The following ANKRD17 variants were observed in gnomAD, a reference collection of about 807,000 sequenced individuals.
The protein encoded by ANKRD17 is ankyrin repeat domain 17.
In ANKRD17, 19 loss-of-function variants were observed where a neutral mutation model predicts 229.7. The observed-to-expected ratio is 0.08, with a 90% CI of 0.06 to 0.12. The LOEUF (loss-of-function observed/expected upper bound fraction) is 0.12. ANKRD17 is among the 10% of genes least tolerant of loss of function. The probability of loss-of-function intolerance (pLI) is 1.00; values close to 1 mark genes in which losing one functional copy is unlikely to be tolerated. For synonymous variants in ANKRD17, 1,112 were observed against 1,146.1 expected, an observed-to-expected ratio of 0.97 and a Z score of 0.60; for missense variants, 2,176 against 3,176.8, an observed-to-expected ratio of 0.68 and a Z score of 7.57.
intron 25 of ANKRD17, among the ~76,000 whole-genome samples, chr4:73,100,659 A>G (rs1377238402): frequency 2.0e-5 from 3 of 152,148 alleles, no homozygotes; most frequent in Non-Finnish European, 4.4e-5. Flanking sequence ...TTCACATGAT[A>G]TGTATAGCTT....
chr4:73,139,968 T>G lies in ANKRD17; in HGVS notation c.2648A>C (p.Gln883Pro). The change falls in exon 15 of 34, where the codon CAG becomes CCG. Residue 883 changes from glutamine to proline, a missense_variant. Around this residue, in one of 18 missense-constraint regions of ANKRD17, gnomAD observed 230 missense variants for 252.3 expected, o/e 0.91. Coordinates refer to ENST00000358602, the MANE Select transcript of ANKRD17 (RefSeq NM_032217.5). ...ERELQLKTQQ[Q>P]LKKQYLEVKA... is the part of the protein sequence containing the mutation. ...AACCTCTAGATACTGCTTTTTTAGC[T>G]GCTGCTGAGTTTTCAGTTGTAACTC... 1 of 1,614,192 alleles carries G rather than the reference T, an allele frequency of 6.2e-7. No homozygotes were observed.
In ANKRD17 at chr4:73,077,395, T is replaced by C; in HGVS notation, c.7547A>G (p.Gln2516Arg). Residue 2516 changes from glutamine to arginine, a missense_variant, in exon 32 of 34, where the codon CAG becomes CGG. Around this residue, in one of 18 missense-constraint regions of ANKRD17, gnomAD observed 159 missense variants for 214.3 expected, o/e 0.74. Transcript: ENST00000358602. ...GIVTPSGTFH[Q>R]HVPAGYMDFP... ...GTCCATGTAGCCTGCAGGAACATGC[T>C]GATGGAATGTACCAGAAGGAGTTAC... 1 of 1,613,498 alleles carries C rather than the reference T, an allele frequency of 6.2e-7. No homozygotes were observed. The highest frequency in any genetic ancestry group is 1.1e-5 in the South Asian group (1 of 90,926).
At chr4:73,184,389 T>A (rs949198145) in intron 1 of ANKRD17, among the ~76,000 whole-genome samples, 6 of 150,482 alleles carry the variant, frequency 4.0e-5, no homozygotes, top group Admixed American at 6.6e-5. Context: ...ATTAGCCAGG[T>A]GTTGTGGCAG....
Position 73,155,663 on chromosome 4 carries a change from T to C in ANKRD17, c.968A>G (p.His323Arg). 3.7e-6 allele frequency: 6 copies of C among 1,613,986 alleles called. No homozygotes were observed. The highest frequency in any genetic ancestry group is 5.1e-6 in the Non-Finnish European group (6 of 1,179,858). The change falls in exon 5 of 34, where the codon CAT (histidine) becomes CGT (arginine). Residue 323 changes from histidine (H) to arginine (R), a missense_variant. By Grantham distance (29) the His-to-Arg change is conservative (BLOSUM62 0). Coordinates refer to ENST00000358602, the MANE Select transcript of ANKRD17 (RefSeq NM_032217.5). ...AGACTGTGCATTAACATCTGCTTTA[T>C]GAGCTAGCAGCAACTTCACAATTTT... ...HVKIVKLLLA[H>R]KADVNAQSST...
Position 73,098,089 on chromosome 4 carries a change from C to T in ANKRD17, c.5005G>A (p.Gly1669Ser). 2 of 1,598,828 alleles carry T rather than the reference C, an allele frequency of 1.3e-6. No homozygotes were observed. The highest frequency in any genetic ancestry group is 8.5e-7 in the Non-Finnish European group (1 of 1,169,788). ...GGAACTAACTTTATTGAAGCCTTGC[C>T]AGAAACAGATTTTCTCTCTTCCTTT... ...FPKEERKSVSGKASIKLSETI... is the reference protein window; with the variant it reads ...FPKEERKSVSSKASIKLSETI... The change falls in exon 26 of 34, where the codon GGC (glycine) becomes AGC (serine). Residue 1669 changes from glycine (G) to serine (S), a missense_variant. This residue lies in a region of ANKRD17 where 98 missense variants were observed against 101.0 expected (regional missense o/e 0.97). Coordinates refer to ENST00000358602, the MANE Select transcript of ANKRD17 (RefSeq NM_032217.5).
chr4:73,114,010 C>A, intron 23 of ANKRD17, 102 bp from the exon 24 acceptor site: 2 of 730,520 alleles, frequency 2.7e-6, no homozygotes, highest in Non-Finnish European at 4.6e-6. Flanking sequence ...CAAACCTAAG[C>A]AATAAAGATC....
intron 1 of ANKRD17, among the ~76,000 whole-genome samples, chr4:73,220,681 C>G (rs1050828709): frequency 6.6e-5 from 10 of 151,860 alleles, no homozygotes; most frequent in East Asian, 3.9e-4. Context: ...TTCAAAAGAT[C>G]AAGTTACAAA....
intron 31 of ANKRD17, 48 bp from the exon 32 acceptor site, chr4:73,077,581 C>A (rs1488343833): frequency 1.4e-6 from 2 of 1,450,380 alleles, no homozygotes; most frequent in East Asian, 2.5e-5. Context: ...TATTTAAAAT[C>A]AAAATCAAAT....
intron 1 of ANKRD17, among the ~76,000 whole-genome samples, chr4:73,191,329 CAA>C (rs1269988474): frequency 4.5e-5 from 4 of 88,962 alleles, no homozygotes; most frequent in Admixed American, 1.2e-4. Flanking sequence ...AGGCCCCTAC[CAA>C]AAAATATATA....
At chr4:73,176,032 G>T (rs1464581116) in intron 2 of ANKRD17, among the ~76,000 whole-genome samples, 2 of 151,260 alleles carry the variant, frequency 1.3e-5, no homozygotes, top group Non-Finnish European at 2.9e-5. Flanking sequence ...CCACAGAATG[G>T]GAGAAAATAT....
intron 30 of ANKRD17, among the ~76,000 whole-genome samples, chr4:73,079,623 A>G (rs893989881): frequency 6.6e-6 from 1 of 152,164 alleles, no homozygotes; most frequent in Non-Finnish European, 1.5e-5. Flanking sequence ...CTGATAAAAT[A>G]CCAATAAGAG....
intron 26 of ANKRD17, 59 bp downstream of exon 26, chr4:73,098,014 C>G (rs892304412): frequency 1.4e-6 from 2 of 1,454,458 alleles, no homozygotes; most frequent in Admixed American, 2.3e-5. Context: ...CCAACAAATT[C>G]AGTAATAAGG....
intron 1 of ANKRD17, among the ~76,000 whole-genome samples, chr4:73,244,707 A>G (rs369750676): frequency 6.6e-6 from 1 of 152,092 alleles, no homozygotes; most frequent in East Asian, 1.9e-4. Flanking sequence ...TCCATCCTAT[A>G]CCTTAACTAA....
chr4:73,177,676 G>T, intron 1 of ANKRD17, 143 bp from the exon 2 acceptor site: 1 of 589,932 alleles, frequency 1.7e-6, no homozygotes, highest in Non-Finnish European at 2.9e-6. Flanking sequence ...ACCCTAAAAA[G>T]TTCAACATGA....
At chr4:73,179,933 G>T (rs1324832247) in intron 1 of ANKRD17, among the ~76,000 whole-genome samples, 3 of 151,800 alleles carry the variant, frequency 2.0e-5, no homozygotes, top group Non-Finnish European at 2.9e-5. Flanking sequence ...CAGAAGATGA[G>T]TCTTTCTAAA....
chr4:73,177,422 G>C lies in ANKRD17; in HGVS notation c.505C>G (p.Pro169Ala). 2 of 1,612,458 alleles carry C rather than the reference G, an allele frequency of 1.2e-6. No individual in the cohort carries two copies. The highest frequency in any genetic ancestry group is 1.7e-6 in the Non-Finnish European group (2 of 1,178,912). ...ADGADLRTVD[P>A]ETQARLEALL... ...GCTTCCAGTCTAGCCTGTGTTTCTG[G>C]ATCTACTGTCCTGAGGTCTGCACCA... Residue 169 changes from proline to alanine, a missense_variant, in exon 2 of 34, where the codon CCA (proline) becomes GCA (alanine). By Grantham distance (27) the Pro-to-Ala change is conservative (BLOSUM62 -1). This residue lies in a region of ANKRD17 where 184 missense variants were observed against 357.8 expected (regional missense o/e 0.51). Transcript: ENST00000358602.
chr4:73,196,181 G>A (rs755911118), intron 1 of ANKRD17, among the ~76,000 whole-genome samples: 2 of 151,632 alleles, frequency 1.3e-5, no homozygotes, highest in Non-Finnish European at 2.9e-5. Context: ...TGTATTTTTA[G>A]TAGAGATGGT....
intron 2 of ANKRD17, among the ~76,000 whole-genome samples, chr4:73,170,616 G>A (rs1184272329): frequency 6.6e-6 from 1 of 151,802 alleles, no homozygotes; most frequent in Non-Finnish European, 1.5e-5. Flanking sequence ...GACATTTCTG[G>A]AGCTGTCCTG....
intron 29 of ANKRD17, among the ~76,000 whole-genome samples, chr4:73,089,181 G>C (rs1578009296): frequency 6.6e-6 from 1 of 151,684 alleles, no homozygotes; most frequent in Non-Finnish European, 1.5e-5. Context: ...GGGACTACAG[G>C]TATGCACCAC....
Sources: allele counts gnomAD v4.1 joint callset (sites outside exome capture counted in the v4.1 genomes callset), GRCh38; gene constraint gnomAD v4.1.1; regional missense constraint gnomAD v4.1.1; transcripts MANE v1.5; gene names NCBI Gene and HGNC (gene_info 2026-07-23, HGNC 2026-07-21).